The following NTM variants were observed in gnomAD, a reference collection of about 807,000 sequenced individuals.
NTM encodes the protein IgLON family member 2.
Under a neutral mutation model 42.1 loss-of-function variants are expected in NTM, and 13 were observed. The observed-to-expected ratio is 0.31, with a 90% CI of 0.20 to 0.49. NTM has a LOEUF of 0.49. NTM is among the 20% of genes least tolerant of loss of function. The pLI is 0.99. For synonymous variants in NTM, 187 were observed against 179.2 expected, an observed-to-expected ratio of 1.04 and a Z score of -0.35; for missense variants, 373 against 452.8, an observed-to-expected ratio of 0.82 and a Z score of 1.60.
intron 2 of NTM, among the ~76,000 whole-genome samples, chr11:131,973,883 G>A (rs1364763213): frequency 6.6e-6 from 1 of 152,098 alleles, no homozygotes; most frequent in African/African-American, 2.4e-5. Context: ...CACAACATGG[G>A]CTTGGACTGT....
chr11:132,283,425 C>T (rs541097169), intron 4 of NTM, among the ~76,000 whole-genome samples: 1 of 152,166 alleles, frequency 6.6e-6, no homozygotes, highest in Admixed American at 6.5e-5. Flanking sequence ...AGCACCACCT[C>T]TTGGAGAAGC....
intron 6 of NTM, among the ~76,000 whole-genome samples, chr11:132,311,162 G>A (rs767333357): frequency 1.3e-5 from 2 of 152,142 alleles, no homozygotes; most frequent in Admixed American, 6.5e-5. Context: ...GTGAATGGCC[G>A]CCCACGCTGT....
intron 1 of NTM, among the ~76,000 whole-genome samples, chr11:131,510,048 C>G (rs1407752568): frequency 6.6e-6 from 1 of 152,136 alleles, no homozygotes; most frequent in African/African-American, 2.4e-5. Flanking sequence ...CTCCTTGTCT[C>G]AGTAGCTGAG....
intron 2 of NTM, among the ~76,000 whole-genome samples, chr11:132,028,264 T>C (rs2075451982): frequency 1.3e-5 from 2 of 150,148 alleles, no homozygotes; most frequent in Non-Finnish European, 3.0e-5. Context: ...TTTTTTTTCG[T>C]CTTATAGTAT....
intron 1 of NTM, among the ~76,000 whole-genome samples, chr11:131,577,870 TGTA>T (rs1428067189): frequency 6.6e-6 from 1 of 152,192 alleles, no homozygotes; most frequent in East Asian, 1.9e-4. Flanking sequence ...TCCAGGGAAA[TGTA>T]GTGAATTGGT....
chr11:131,740,106 C>T (rs1050875892), intron 1 of NTM, among the ~76,000 whole-genome samples: 1 of 152,178 alleles, frequency 6.6e-6, no homozygotes, highest in Non-Finnish European at 1.5e-5. Flanking sequence ...ATTTACAATA[C>T]TGGGATAATG....
intron 1 of NTM, among the ~76,000 whole-genome samples, chr11:131,828,704 C>A (rs565233925): frequency 6.6e-6 from 1 of 152,036 alleles, no homozygotes; most frequent in Non-Finnish European, 1.5e-5. Flanking sequence ...CCAGGTTTCA[C>A]GGCACGTCTC....
chr11:131,424,880 T>A (rs1482526776), intron 1 of NTM, among the ~76,000 whole-genome samples: 23 of 145,388 alleles, frequency 1.6e-4, no homozygotes, highest in African/African-American at 4.0e-4. Flanking sequence ...TTTTTTTTTT[T>A]ATTTTTTTAT....
intron 1 of NTM, among the ~76,000 whole-genome samples, chr11:131,420,708 G>A (rs143065405): frequency 1.3e-5 from 2 of 152,158 alleles, no homozygotes; most frequent in African/African-American, 4.8e-5. Context: ...GGAATTCAAG[G>A]CTTGGGCATC....
rs112240394 is a variant in NTM, at chr11:131,412,406, TA to T, written c.82+41522del. Among the ~76,000 whole-genome samples the T allele has an allele frequency of 1.6e-3, 239 of 152,236 alleles. 1 individual carries two copies. In the Middle Eastern group the frequency reaches 0.017, roughly 11 times the overall value. On this transcript the variant is annotated intron_variant, in intron 1 of 8. Coordinates refer to ENST00000683400, the MANE Select transcript of NTM (RefSeq NM_001352005.2). ...GCAAACTAAGGAATGGGATGGAAAA[TA>T]AAAGCAAACAGTTGTTTATCATGTG...
rs2135327646 is a variant in NTM, at chr11:132,003,578, A to T, written c.167+91930A>T. ...TGCATTTTTAACAAGTTCCTGGGTA[A>T]AACTGATCCTTGTGGTCTGGGGACC... is the stretch of plus-strand genomic sequence containing the variant. On this transcript the variant is annotated intron_variant, in intron 2 of 8. Coordinates refer to ENST00000683400, the MANE Select transcript of NTM (RefSeq NM_001352005.2). This position sits in a 1 kb window ranked among gnomAD's most constrained non-coding sequence, Gnocchi z 6.0. Among the ~76,000 whole-genome samples the T allele has an allele frequency of 6.6e-6, 1 of 152,212 alleles. No homozygotes were observed. Among genetic ancestry groups the T allele is most frequent in the African/African-American group, 2.4e-5 (1 of 41,528 alleles).
At chr11:131,427,379 G>A (rs1198402436) in intron 1 of NTM, among the ~76,000 whole-genome samples, 2 of 152,200 alleles carry the variant, frequency 1.3e-5, no homozygotes, top group African/African-American at 4.8e-5. Context: ...AAAAAAATAA[G>A]TATAGCTTCT....
chr11:132,319,900 G>T (rs1266507010), intron 7 of NTM, among the ~76,000 whole-genome samples: 1 of 152,146 alleles, frequency 6.6e-6, no homozygotes, highest in Non-Finnish European at 1.5e-5. Flanking sequence ...ACACAGCCGG[G>T]TACTCCTCTG....
At chr11:131,884,199 C>T (rs761144163) in intron 1 of NTM, among the ~76,000 whole-genome samples, 34 of 152,198 alleles carry the variant, frequency 2.2e-4, no homozygotes, top group Admixed American at 3.9e-4. Flanking sequence ...CACCTGAGGT[C>T]GGGAGTTTGA....
intron 1 of NTM, among the ~76,000 whole-genome samples, chr11:131,389,644 A>G (rs1943763388): frequency 6.6e-6 from 1 of 152,192 alleles, no homozygotes; most frequent in South Asian, 2.1e-4. Flanking sequence ...TTCACAGCTT[A>G]AGGGCTTCGT....
chr11:132,057,881 T>C (rs2079955215), intron 2 of NTM, among the ~76,000 whole-genome samples: 1 of 152,204 alleles, frequency 6.6e-6, no homozygotes, highest in Non-Finnish European at 1.5e-5. Flanking sequence ...CTCTACCTCA[T>C]TTTGTGATCA....
chr11:132,011,512 G>A (rs1330870444), intron 2 of NTM, among the ~76,000 whole-genome samples: 3 of 152,130 alleles, frequency 2.0e-5, no homozygotes, highest in African/African-American at 4.8e-5. Flanking sequence ...TATGTCTAAT[G>A]TGTTCTTTTT....
chr11:131,997,358 G>C (rs916976969), intron 2 of NTM, among the ~76,000 whole-genome samples: 6 of 152,138 alleles, frequency 3.9e-5, no homozygotes, highest in African/African-American at 1.4e-4. Context: ...GATGACTCTG[G>C]CTTTTTCTGG....
rs555407258 is a variant in NTM, at chr11:131,795,763, CT to C, written c.83-115799del. On this transcript the variant is annotated intron_variant, in intron 1 of 8. Transcript: ENST00000683400. Reference sequence around the variant, plus strand: ...GTAGTGGTTCAGGTCATGATACTGCCTTGTGGGAGCAGTTGACTGGGGTTGG... The same window carrying C: ...GTAGTGGTTCAGGTCATGATACTGCCTGTGGGAGCAGTTGACTGGGGTTGG... 1.7e-3 allele frequency: 1,669 copies of C among 985,346 alleles called. 10 individuals are homozygous for C. The African/African-American group carries it at 0.025, about 15-fold the overall frequency. 61.0% of individuals were successfully genotyped at this position (985,346 alleles called of 1,614,324 possible). A position where few individuals can be genotyped will look rare whatever the true frequency, so the allele number is the denominator to read the frequency against.
Sources: allele counts gnomAD v4.1 joint callset (sites outside exome capture counted in the v4.1 genomes callset), GRCh38; gene constraint gnomAD v4.1.1; non-coding constraint Gnocchi (gnomAD v3.1); transcripts MANE v1.5; gene names NCBI Gene and HGNC (gene_info 2026-07-23, HGNC 2026-07-21).